The following DNAH3 variants were observed in gnomAD, a reference collection of about 807,000 sequenced individuals.
The protein encoded by DNAH3 is axonemal beta dynein heavy chain 3.
In DNAH3, 332 loss-of-function variants were observed where a neutral mutation model predicts 432.5. The ratio of observed to expected loss-of-function variants is 0.77; its 90% CI spans 0.70 to 0.84. DNAH3 has a LOEUF of 0.84. DNAH3 is among the 40% of genes least tolerant of loss of function. The pLI, the probability that DNAH3 is intolerant of heterozygous loss-of-function variation, is 0.00. For synonymous variants in DNAH3, 1,956 were observed against 1,900.2 expected, an observed-to-expected ratio of 1.03 and a Z score of -0.76; for missense variants, 4,861 against 5,114.0, an observed-to-expected ratio of 0.95 and a Z score of 1.51.
chr16:20,965,003 A>G (rs768939629), exon 53 of DNAH3: 1 of 1,613,864 alleles, frequency 6.2e-7, no homozygotes, highest in Non-Finnish European at 8.5e-7. Context: ...AGCTTTTGGG[A>G]GCAGATTTCA....
rs1453132107 is a variant in DNAH3, at chr16:20,936,902, T to C, written c.11655-49A>G. On this transcript the variant is annotated intron_variant, in intron 59 of 61. Transcript: ENST00000261383. The stretch of plus-strand genomic sequence containing the variant: ...GAGCTGGGCTCTCCGGTGGCCACAT[T>C]CTACCCAAGTCCACTGACTGCTGTC... 2.0e-6 allele frequency: 3 copies of C among 1,469,336 alleles called. No homozygotes were observed. In the African/African-American group the frequency reaches 4.2e-5, roughly 21 times the overall value. The allele number at this position is 1,469,336 out of a possible 1,614,324, so 91.0% of individuals were successfully genotyped here. A position where few individuals can be genotyped will look rare whatever the true frequency, so the allele number is the denominator to read the frequency against.
chr16:21,035,945 A>T (rs1481148827), intron 35 of DNAH3, among the ~76,000 whole-genome samples: 1 of 152,194 alleles, frequency 6.6e-6, no homozygotes, highest in Non-Finnish European at 1.5e-5. Flanking sequence ...GGTGGAGTTG[A>T]TAATGATATA....
exon 22 of DNAH3, chr16:21,070,746 G>A (rs780444002): frequency 3.1e-6 from 5 of 1,612,768 alleles, no homozygotes; most frequent in East Asian, 4.5e-5. Flanking sequence ...TGAATGGGGA[G>A]CCACACATGG....
chr16:21,006,187 T>C (rs1464527190), intron 41 of DNAH3, among the ~76,000 whole-genome samples: 1 of 152,234 alleles, frequency 6.6e-6, no homozygotes, highest in Non-Finnish European at 1.5e-5. Context: ...AGCAATATAG[T>C]AGATGTCTAG....
At position 20,997,401 on chromosome 16, in the gene DNAH3, C is replaced by T. The variant is rs578208583; in HGVS notation, c.6483G>A (p.Arg2161=). 101 of 1,614,216 alleles carry T rather than the reference C, an allele frequency of 6.3e-5. No homozygotes were observed. In the African/African-American group the frequency reaches 1.2e-3, roughly 19 times the overall value. Residue 2161 remains arginine, a synonymous_variant, in exon 44 of 62, where the codon AGG becomes AGA. Transcript: ENST00000261383. The stretch of plus-strand genomic sequence containing the variant: ...ACCAGTAACCATGGTCAATCCACTG[C>T]CTCAGGAGCTCGATGGGTGGCTGGG...
At chr16:20,988,796 G>A (rs1255077127) in intron 44 of DNAH3, among the ~76,000 whole-genome samples, 1 of 152,180 alleles carries the variant, frequency 6.6e-6, no homozygotes, top group Non-Finnish European at 1.5e-5. Flanking sequence ...TGGCGCGTCT[G>A]GAGGTTGTTC....
chr16:21,008,563 G>A (rs2087430589), intron 41 of DNAH3, among the ~76,000 whole-genome samples: 1 of 152,090 alleles, frequency 6.6e-6, no homozygotes, highest in Non-Finnish European at 1.5e-5. Flanking sequence ...TCTGGAAGAT[G>A]CAAAACCTGG....
intron 44 of DNAH3, among the ~76,000 whole-genome samples, chr16:20,994,458 A>T (rs2086681653): frequency 6.6e-6 from 1 of 152,190 alleles, no homozygotes; most frequent in Non-Finnish European, 1.5e-5. Flanking sequence ...AATTAAATAA[A>T]AAAATAAAAA....
At chr16:21,072,012 A>G (rs1241751632) in intron 21 of DNAH3, among the ~76,000 whole-genome samples, 1 of 152,170 alleles carries the variant, frequency 6.6e-6, no homozygotes, top group Non-Finnish European at 1.5e-5. Flanking sequence ...TTAAAAATAA[A>G]ATACAGCTAT....
At chr16:20,998,696 C>T (rs547161228) in intron 43 of DNAH3, among the ~76,000 whole-genome samples, 3 of 143,782 alleles carry the variant, frequency 2.1e-5, no homozygotes, top group South Asian at 2.2e-4. Flanking sequence ...TCTTCGAGAT[C>T]GCACCACTGC....
chr16:21,096,778 C>G (rs942912902), intron 18 of DNAH3, among the ~76,000 whole-genome samples: 1 of 152,062 alleles, frequency 6.6e-6, no homozygotes, highest in Non-Finnish European at 1.5e-5. Flanking sequence ...TGTTATTATC[C>G]TCACTCATCC....
At position 21,124,674 on chromosome 16, in the gene DNAH3, A is replaced by T. The variant is rs557251482; in HGVS notation, c.1404+501T>A. 3.3e-5 allele frequency among the ~76,000 whole-genome samples: 5 copies of T among 150,716 alleles called. No individual in the cohort carries two copies. The South Asian group carries it at 1.0e-3, about 32-fold the overall frequency. ...TTTTTTTTTTTCCTTTTTGAGACAG[A>T]GTTTCACTCTTGTCGCCCAGGCTGG... On this transcript the variant is annotated intron_variant, in intron 9 of 61. Transcript: ENST00000261383.
rs73546313 is a variant in DNAH3 at position 21,107,199 on chromosome 16, A to C, written c.2100-525T>G. Among the ~76,000 whole-genome samples the C allele has an allele frequency of 2.1e-3, 309 of 150,228 alleles. 1 individual carries two copies. The highest frequency in any genetic ancestry group is 6.8e-3 in the African/African-American group (276 of 40,754). On this transcript the variant is annotated intron_variant, in intron 14 of 61. Transcript: ENST00000261383. ...CCACCACCACCACCAGCAATTCATC[A>C]CATTTTGTGTTGAAATAGAGCACTA...
chr16:21,145,888 C>A, intron 2 of DNAH3, 96 bp downstream of exon 3: 1 of 827,586 alleles, frequency 1.2e-6, no homozygotes, highest in Non-Finnish European at 2.1e-6. Flanking sequence ...TTTGACTCTC[C>A]ACCCTCATTG....
intron 50 of DNAH3, among the ~76,000 whole-genome samples, chr16:20,975,786 C>T (rs1256230963): frequency 6.6e-6 from 1 of 152,146 alleles, no homozygotes; most frequent in Non-Finnish European, 1.5e-5. Context: ...ACTCTGTCAC[C>T]CAGGCTGGAG....
chr16:21,027,811 A>G (rs1204993012), intron 37 of DNAH3, among the ~76,000 whole-genome samples: 1 of 152,276 alleles, frequency 6.6e-6, no homozygotes, highest in African/African-American at 2.4e-5. Context: ...TCGAGAAGTT[A>G]TCAGACCTCA....
intron 31 of DNAH3, among the ~76,000 whole-genome samples, chr16:21,047,615 G>A (rs1206148822): frequency 6.6e-6 from 1 of 150,608 alleles, no homozygotes; most frequent in East Asian, 2.0e-4. Context: ...TTTGCCTTTG[G>A]TTTGAATGTC....
rs35783206 is a variant in DNAH3, at chr16:20,974,985, GTTTT to G, written c.8259+244_8259+247del. ...AGATGCACGCCACCACACCTGGCTAGTTTTTTTTTTTTTTTTTTTTTTTAAAGTA... is the reference window on the plus strand; with the variant it reads ...AGATGCACGCCACCACACCTGGCTAGTTTTTTTTTTTTTTTTTTTAAAGTA... On this transcript the variant is annotated intron_variant, in intron 51 of 61. Coordinates refer to ENST00000261383, the Ensembl canonical transcript of DNAH3. Among the ~76,000 whole-genome samples, 106 of 120,788 alleles carry G rather than the reference GTTTT, an allele frequency of 8.8e-4. 3 individuals are homozygous for G. Among genetic ancestry groups the G allele is most frequent in the Middle Eastern group, 4.3e-3 (1 of 230 alleles). The allele number at this position is 120,788 out of a possible 152,430, so 79.2% of individuals were successfully genotyped here. A position where few individuals can be genotyped will look rare whatever the true frequency, so the allele number is the denominator to read the frequency against.
chr16:21,039,281 A>G (rs1330322905), intron 33 of DNAH3, among the ~76,000 whole-genome samples: 1 of 135,114 alleles, frequency 7.4e-6, no homozygotes, highest in Non-Finnish European at 1.5e-5. Flanking sequence ...TGCAGTGGTG[A>G]AATCTTGGCT....
Sources: allele counts gnomAD v4.1 joint callset (sites outside exome capture counted in the v4.1 genomes callset), GRCh38; gene constraint gnomAD v4.1.1; transcripts MANE v1.5; gene names NCBI Gene and HGNC (gene_info 2026-07-23, HGNC 2026-07-21).